Variants in C3orf20 observed in about 807,000 individuals in gnomAD.
The protein encoded by C3orf20 is uncharacterized protein C3orf20.
In C3orf20, 76 loss-of-function variants were observed where a neutral mutation model predicts 88.3. The ratio of observed to expected loss-of-function variants is 0.86; its 90% CI spans 0.72 to 1.04. The LOEUF (loss-of-function observed/expected upper bound fraction) is 1.04, where lower values mean the gene tolerates loss of function less well. C3orf20 is among the 50% of genes least tolerant of loss of function. The pLI is 0.00. For missense variants in C3orf20, 1,056 were observed against 1,123.3 expected, an observed-to-expected ratio of 0.94 and a Z score of 0.86; for synonymous variants, 436 against 437.4, an observed-to-expected ratio of 1.00 and a Z score of 0.04.
At chr3:14,691,429 CTT>C (rs1051011191) in intron 5 of C3orf20, among the ~76,000 whole-genome samples, 1 of 152,158 alleles carries the variant, frequency 6.6e-6, no homozygotes, top group African/African-American at 2.4e-5. Flanking sequence ...GATTTAATGA[CTT>C]TTTCTGCGTA....
At chr3:14,716,465 G>C (rs892955589) in intron 9 of C3orf20, among the ~76,000 whole-genome samples, 1 of 152,128 alleles carries the variant, frequency 6.6e-6, no homozygotes, top group East Asian at 1.9e-4. Flanking sequence ...TTAGTCTCCT[G>C]TTTCTTGTCC....
Position 14,727,011 on chromosome 3 carries a change from C to T in C3orf20, c.1677C>T (p.Ile559=). ...CAGTGACTCAGTTCATTAATTCTAT[C>T]TTGCTGGCCGCAGGTAAGGAGGCTG... is the stretch of plus-strand genomic sequence containing the variant. ...QKTVTQFINS[I]LLAAGLFTIE... Residue 559 remains isoleucine, a synonymous_variant, in exon 11 of 17, where the codon ATC becomes ATT. Transcript: ENST00000253697. The T allele has an allele frequency of 6.2e-7, 1 of 1,614,186 alleles. No individual in the cohort carries two copies. The highest frequency in any genetic ancestry group is 8.5e-7 in the Non-Finnish European group (1 of 1,180,032).
chr3:14,741,962 A>G (rs889650976), intron 12 of C3orf20, among the ~76,000 whole-genome samples: 1 of 152,178 alleles, frequency 6.6e-6, no homozygotes, highest in Non-Finnish European at 1.5e-5. Context: ...GCAGTGGTAA[A>G]CTGACATGGC....
intron 8 of C3orf20, among the ~76,000 whole-genome samples, chr3:14,714,421 C>T (rs996894512): frequency 2.6e-5 from 4 of 152,052 alleles, no homozygotes; most frequent in African/African-American, 9.7e-5. Context: ...CCCCACAGCA[C>T]TAAGATCTTG....
rs999773574 is a variant in C3orf20 at position 14,752,123 on chromosome 3, C to T, written c.1941-5248C>T. Among the ~76,000 whole-genome samples, 6 of 152,230 alleles carry T rather than the reference C, an allele frequency of 3.9e-5. No homozygotes were observed. The East Asian group carries it at 7.7e-4, about 20-fold the overall frequency. ...TAACCAAAACAGCATGGTACTGGTACCAAAACAGATATATAGACCAGTGGA... is the reference window on the plus strand; with the variant it reads ...TAACCAAAACAGCATGGTACTGGTATCAAAACAGATATATAGACCAGTGGA... On this transcript the variant is annotated intron_variant, in intron 12 of 16. Transcript: ENST00000253697.
chr3:14,710,841 T>C (rs2033706137), intron 7 of C3orf20, among the ~76,000 whole-genome samples: 1 of 152,158 alleles, frequency 6.6e-6, no homozygotes. Context: ...TATGTTTCTG[T>C]TAGTTCTAGT....
chr3:14,712,395 TG>T (rs2033787033), intron 7 of C3orf20, among the ~76,000 whole-genome samples: 1 of 152,212 alleles, frequency 6.6e-6, no homozygotes, highest in Admixed American at 6.5e-5. Flanking sequence ...CCTCTGGAAC[TG>T]TAAGATTATA....
At position 14,726,931 on chromosome 3, in the gene C3orf20, A is replaced by G; in HGVS notation, c.1597A>G (p.Lys533Glu). ...LNRRISNMDD[K>E]VYKMSRALAE... ...CCGCAGAATCAGCAACATGGACGACAAGGTGTATAAGATGAGCCGAGCCCT... is the reference window on the plus strand; with the variant it reads ...CCGCAGAATCAGCAACATGGACGACGAGGTGTATAAGATGAGCCGAGCCCT... The change falls in exon 11 of 17, where the codon AAG becomes GAG. Residue 533 changes from lysine to glutamate, a missense_variant. Transcript: ENST00000253697. The G allele has an allele frequency of 6.2e-7, 1 of 1,614,122 alleles. No homozygotes were observed. The highest frequency in any genetic ancestry group is 1.1e-5 in the South Asian group (1 of 91,078).
intron 12 of C3orf20, among the ~76,000 whole-genome samples, chr3:14,733,923 A>AGG (rs1286901673): frequency 6.6e-6 from 1 of 152,108 alleles, no homozygotes; most frequent in Non-Finnish European, 1.5e-5. Context: ...TCCTGACCTC[A>AGG]TGATCCGCCC....
intron 9 of C3orf20, among the ~76,000 whole-genome samples, chr3:14,715,632 C>T (rs1014585052): frequency 1.3e-5 from 2 of 152,228 alleles, no homozygotes; most frequent in Non-Finnish European, 2.9e-5. Context: ...CTATTGGCTG[C>T]TTTACAGACA....
At chr3:14,704,183 A>G (rs897174760) in intron 6 of C3orf20, among the ~76,000 whole-genome samples, 154 bp from the exon 7 acceptor site, 3 of 151,964 alleles carry the variant, frequency 2.0e-5, no homozygotes, top group African/African-American at 7.3e-5. Context: ...CCCAAAAATT[A>G]CCTTTATGGA....
intron 12 of C3orf20, among the ~76,000 whole-genome samples, chr3:14,756,791 G>A (rs1323629149): frequency 1.3e-5 from 2 of 152,234 alleles, no homozygotes; most frequent in East Asian, 3.8e-4. Flanking sequence ...TTGCAGCCTT[G>A]AAGCACATGG....
intron 11 of C3orf20, 68 bp from the exon 12 acceptor site, chr3:14,728,371 G>C: frequency 6.3e-7 from 1 of 1,595,624 alleles, no homozygotes; most frequent in South Asian, 1.1e-5. Flanking sequence ...GATGTTTCCA[G>C]TCTGGGACCA....
Position 14,772,059 on chromosome 3 carries a change from C to G in C3orf20, c.2496-8C>G. On this transcript the variant is annotated splice_polypyrimidine_tract_variant and splice_region_variant and intron_variant, in intron 15 of 16. Coordinates refer to ENST00000253697, the MANE Select transcript of C3orf20 (RefSeq NM_032137.5). This position sits in a 1 kb window ranked among gnomAD's most constrained non-coding sequence, Gnocchi z 4.2. ...TGAGCACTGCCCCCGACCCTGCCTC[C>G]CCTGCAGTGTTCCCAACTCTGTCCT... 1 of 1,614,200 alleles carries G rather than the reference C, an allele frequency of 6.2e-7. No homozygotes were observed. Among genetic ancestry groups the G allele is most frequent in the Middle Eastern group, 1.7e-4 (1 of 6,058 alleles).
intron 12 of C3orf20, among the ~76,000 whole-genome samples, chr3:14,733,164 A>G (rs564342215): frequency 6.8e-4 from 103 of 152,254 alleles, no homozygotes; most frequent in Non-Finnish European, 1.2e-3. Flanking sequence ...ATCTATACTC[A>G]TAAGGGTTAT....
rs78753132 is a variant in C3orf20 at position 14,762,585 on chromosome 3, C to T, written c.2495+970C>T. On this transcript the variant is annotated intron_variant, in intron 15 of 16. Coordinates refer to ENST00000253697, the MANE Select transcript of C3orf20 (RefSeq NM_032137.5). The stretch of plus-strand genomic sequence containing the variant: ...AGTTTACCTCCCTAATCCTCTGTTT[C>T]CTCACCTTCAAAATGAGGAAATAAT... Among the ~76,000 whole-genome samples, 625 of 152,302 alleles carry T rather than the reference C, an allele frequency of 4.1e-3. 5 individuals are homozygous for T. The highest frequency in any genetic ancestry group is 0.015 in the African/African-American group (604 of 41,556).
In C3orf20 at chr3:14,721,963, A is replaced by C. The variant is rs116132912; in HGVS notation, c.1566+179A>C. 458 of 694,154 alleles carry C rather than the reference A, an allele frequency of 6.6e-4. 1 individual carries two copies. In the African/African-American group the frequency reaches 7.5e-3, roughly 11 times the overall value. 43.0% of individuals were successfully genotyped at this position (694,154 alleles called of 1,614,324 possible). A position where few individuals can be genotyped will look rare whatever the true frequency, so the allele number is the denominator to read the frequency against. ...GTACCACCTTCCTGTGAAACTTCTTATATCAATTAAGGGTCTTCCAGTTGT... is the reference window on the plus strand; with the variant it reads ...GTACCACCTTCCTGTGAAACTTCTTCTATCAATTAAGGGTCTTCCAGTTGT... On this transcript the variant is annotated intron_variant, in intron 10 of 16. Coordinates refer to ENST00000253697, the MANE Select transcript of C3orf20 (RefSeq NM_032137.5).
At chr3:14,770,717 A>G (rs2035838503) in intron 15 of C3orf20, among the ~76,000 whole-genome samples, 1 of 152,192 alleles carries the variant, frequency 6.6e-6, no homozygotes, top group African/African-American at 2.4e-5. Context: ...GAGGCTCAGT[A>G]AATATGACCG....
At chr3:14,691,736 T>C (rs2032741789) in intron 5 of C3orf20, among the ~76,000 whole-genome samples, 1 of 152,258 alleles carries the variant, frequency 6.6e-6, no homozygotes, top group African/African-American at 2.4e-5. Flanking sequence ...CATCACCTTA[T>C]GCATTTATCC....
Sources: gnomAD v4.1 joint callset for allele counts (sites outside exome capture counted in the v4.1 genomes callset) on GRCh38, gnomAD v4.1.1 for gene constraint, Gnocchi (gnomAD v3.1) non-coding constraint, MANE v1.5 for transcripts, NCBI Gene and HGNC (gene_info 2026-07-23, HGNC 2026-07-21) for gene names.